FRMD4A: variants seen among roughly 807,000 people sequenced by gnomAD.
FRMD4A encodes FERM domain containing 4A.
FRMD4A carries 29 observed loss-of-function variants against 129.1 expected under a neutral mutation model. That is an observed-to-expected ratio of 0.22 (90% CI 0.17 to 0.31). FRMD4A has a LOEUF of 0.31. Among genes scored for constraint, FRMD4A ranks in the 10% least tolerant of loss-of-function variants. The pLI is 1.00. For synonymous variants in FRMD4A, 634 were observed against 571.6 expected, an observed-to-expected ratio of 1.11 and a Z score of -1.56; for missense variants, 1,272 against 1,375.8, an observed-to-expected ratio of 0.92 and a Z score of 1.19.
intron 15 of FRMD4A, among the ~76,000 whole-genome samples, chr10:13,679,742 G>A (rs1440683219): frequency 1.3e-5 from 2 of 151,948 alleles, no homozygotes; most frequent in African/African-American, 4.8e-5. Context: ...CCACTGTTCT[G>A]GGGCAAGGGC....
chr10:13,741,853 T>G, intron 9 of FRMD4A, among the ~76,000 whole-genome samples: 1 of 152,106 alleles, frequency 6.6e-6, no homozygotes, highest in East Asian at 1.9e-4. Context: ...TTTGAAATCT[T>G]AGGTGTTTTT....
chr10:14,040,896 G>C (rs1169205933), intron 2 of FRMD4A, among the ~76,000 whole-genome samples: 2 of 152,142 alleles, frequency 1.3e-5, no homozygotes, highest in Admixed American at 1.3e-4. Context: ...AATATACAGG[G>C]TGTGAGAAGA....
chr10:14,114,053 G>A (rs1838070936), intron 2 of FRMD4A, among the ~76,000 whole-genome samples: 1 of 152,206 alleles, frequency 6.6e-6, no homozygotes, highest in South Asian at 2.1e-4. Flanking sequence ...AAAGGCTCAA[G>A]CACACGTACT....
intron 5 of FRMD4A, among the ~76,000 whole-genome samples, chr10:13,789,452 T>C (rs2130802712): frequency 6.6e-6 from 1 of 151,690 alleles, no homozygotes; most frequent in African/African-American, 2.4e-5. Flanking sequence ...TTACAAGGAG[T>C]TGAGATGATC....
At chr10:14,261,941 A>AACACACACACACACACACAC (rs55763234) in intron 2 of FRMD4A, among the ~76,000 whole-genome samples, 1 of 128,232 alleles carries the variant, frequency 7.8e-6, no homozygotes, top group African/African-American at 2.9e-5. Context: ...CACCACACCA[A>AACACACACACACACACACAC]ACACACACAC....
chr10:13,841,459 A>C (rs969424615), intron 3 of FRMD4A, among the ~76,000 whole-genome samples: 3 of 152,206 alleles, frequency 2.0e-5, no homozygotes, highest in Middle Eastern at 3.2e-3. Context: ...ATGTGTGACC[A>C]GCTTGACCTC....
At chr10:14,117,776 G>A (rs1359729) in intron 2 of FRMD4A, among the ~76,000 whole-genome samples, 22,678 of 152,196 alleles carry the variant, frequency 0.15, 1,786 homozygotes, top group East Asian at 0.19. Flanking sequence ...CTTTCAGGCC[G>A]TGCCTTTTGA....
At chr10:13,811,849 A>T (rs974021069) in intron 3 of FRMD4A, among the ~76,000 whole-genome samples, 3 of 150,064 alleles carry the variant, frequency 2.0e-5, no homozygotes, top group African/African-American at 7.4e-5. Flanking sequence ...AAGCACACTC[A>T]CCAGATATTA....
At chr10:14,074,597 A>C (rs753939012) in intron 2 of FRMD4A, 1 of 152,146 alleles carries the variant, frequency 6.6e-6, no homozygotes, top group African/African-American at 2.4e-5. Flanking sequence ...AAGGGCAAGC[A>C]TTTCATCTGG....
intron 13 of FRMD4A, among the ~76,000 whole-genome samples, chr10:13,705,457 C>T (rs2087332206): frequency 6.6e-6 from 1 of 152,166 alleles, no homozygotes; most frequent in Admixed American, 6.5e-5. Flanking sequence ...GGGTCTATTC[C>T]CTGCGCTCAG....
chr10:14,101,534 G>A (rs897925189), intron 2 of FRMD4A, among the ~76,000 whole-genome samples: 4 of 152,164 alleles, frequency 2.6e-5, no homozygotes, highest in Non-Finnish European at 4.4e-5. Flanking sequence ...GATAGGAGGA[G>A]AGAGGGAAAA....
chr10:14,185,570 C>CA (rs1485126900), intron 2 of FRMD4A, among the ~76,000 whole-genome samples: 2 of 152,080 alleles, frequency 1.3e-5, no homozygotes, highest in Non-Finnish European at 2.9e-5. Flanking sequence ...TTTAAAGGTT[C>CA]AATCTCGTCT....
intron 2 of FRMD4A, among the ~76,000 whole-genome samples, chr10:14,128,246 G>A (rs1324892998): frequency 2.0e-5 from 3 of 151,606 alleles, no homozygotes; most frequent in Non-Finnish European, 4.4e-5. Flanking sequence ...TGGGATTACA[G>A]GTGCATGCTA....
chr10:13,652,993 A>C lies in FRMD4A; in HGVS notation c.3051-1019T>G, dbSNP rs191686070. 3 of 151,766 alleles carry C rather than the reference A, an allele frequency of 2.0e-5. No homozygotes were observed. In the East Asian group the frequency reaches 5.8e-4, roughly 29 times the overall value. 9.4% of individuals were successfully genotyped at this position (151,766 alleles called of 1,614,324 possible). A position where few individuals can be genotyped will look rare whatever the true frequency, so the allele number is the denominator to read the frequency against. On this transcript the variant is annotated intron_variant, in intron 23 of 24. Transcript: ENST00000357447. ...CAGAGCTGGAATTCCAGCTCCCTCC[A>C]GCTGTCAGACTTTGGGCCAGGCACT...
At chr10:13,838,631 T>TA (rs2093914140) in intron 3 of FRMD4A, among the ~76,000 whole-genome samples, 1 of 152,166 alleles carries the variant, frequency 6.6e-6, no homozygotes, top group African/African-American at 2.4e-5. Flanking sequence ...TAGCTGGGAT[T>TA]ACAGGCATGT....
intron 2 of FRMD4A, among the ~76,000 whole-genome samples, chr10:14,108,435 G>A (rs916521017): frequency 6.6e-6 from 1 of 152,196 alleles, no homozygotes; most frequent in Non-Finnish European, 1.5e-5. Flanking sequence ...GTAGTATTAT[G>A]AGGACTGAGG....
At chr10:14,221,450 C>T (rs188697879) in intron 2 of FRMD4A, among the ~76,000 whole-genome samples, 98 of 152,248 alleles carry the variant, frequency 6.4e-4, no homozygotes, top group African/African-American at 2.4e-3. Flanking sequence ...TGTGTTAGGG[C>T]CAACCCTGAA....
intron 2 of FRMD4A, among the ~76,000 whole-genome samples, chr10:14,101,568 T>C (rs1459179303): frequency 6.6e-6 from 1 of 152,130 alleles, no homozygotes; most frequent in African/African-American, 2.4e-5. Flanking sequence ...CCTAGGGATA[T>C]AGCACATCAG....
chr10:13,892,030 C>CCA (rs2094705448), intron 2 of FRMD4A, among the ~76,000 whole-genome samples: 1 of 151,546 alleles, frequency 6.6e-6, no homozygotes, highest in Admixed American at 6.6e-5. Flanking sequence ...CGCCCCCGCC[C>CCA]CCCCAGAAAG....
Sources: allele counts gnomAD v4.1 joint callset (sites outside exome capture counted in the v4.1 genomes callset), GRCh38; gene constraint gnomAD v4.1.1; transcripts MANE v1.5; gene names NCBI Gene and HGNC (gene_info 2026-07-23, HGNC 2026-07-21).